KIAA0825: variants seen among roughly 807,000 people sequenced by gnomAD.
The protein encoded by KIAA0825 is uncharacterized protein KIAA0825.
A neutral mutation model predicts 147.6 loss-of-function variants in KIAA0825; 119 were observed. The observed-to-expected ratio is 0.81, with a 90% CI of 0.69 to 0.94. The LOEUF is 0.94. Ranked by LOEUF, KIAA0825 falls within the 40% of genes least tolerant of loss-of-function variation. The probability of loss-of-function intolerance (pLI) is 0.00; values close to 1 mark genes in which losing one functional copy is unlikely to be tolerated. For missense variants in KIAA0825, 1,381 were observed against 1,472.7 expected, an observed-to-expected ratio of 0.94 and a Z score of 1.02; for synonymous variants, 470 against 518.1, an observed-to-expected ratio of 0.91 and a Z score of 1.26.
At chr5:94,230,037 C>G (rs549774115) in intron 20 of KIAA0825, among the ~76,000 whole-genome samples, 11 of 152,236 alleles carry the variant, frequency 7.2e-5, no homozygotes, top group African/African-American at 2.6e-4. Context: ...CCCTAAAGAA[C>G]TCTTTGGAAG....
intron 20 of KIAA0825, among the ~76,000 whole-genome samples, chr5:94,276,449 C>T (rs1777225045): frequency 1.3e-5 from 2 of 152,028 alleles, no homozygotes; most frequent in African/African-American, 4.8e-5. Flanking sequence ...ATTAGCTATG[C>T]AAGACCATTC....
intron 20 of KIAA0825, among the ~76,000 whole-genome samples, chr5:94,251,218 G>A (rs545279064): frequency 6.6e-6 from 1 of 152,106 alleles, no homozygotes; most frequent in African/African-American, 2.4e-5. Context: ...GCAAACAGGG[G>A]AAAAAACTGC....
intron 4 of KIAA0825, among the ~76,000 whole-genome samples, chr5:94,521,965 A>G (rs2151221672): frequency 6.6e-6 from 1 of 151,866 alleles, no homozygotes; most frequent in South Asian, 2.1e-4. Flanking sequence ...AAATTCCAGG[A>G]ATTTTCTCTC....
intron 20 of KIAA0825, among the ~76,000 whole-genome samples, chr5:94,325,604 G>A (rs1780608140): frequency 6.6e-6 from 1 of 151,730 alleles, no homozygotes; most frequent in Non-Finnish European, 1.5e-5. Flanking sequence ...AATTCTAACA[G>A]CAAATCTCAA....
chr5:94,334,262 A>G (rs1007030946), intron 20 of KIAA0825, among the ~76,000 whole-genome samples: 2 of 152,266 alleles, frequency 1.3e-5, no homozygotes, highest in African/African-American at 4.8e-5. Context: ...CAGTGCAGTA[A>G]GACAAGTAGA....
chr5:94,537,204 C>G, intron 2 of KIAA0825, 77 bp from the exon 3 acceptor site: 1 of 1,198,320 alleles, frequency 8.3e-7, no homozygotes, highest in South Asian at 1.6e-5. Flanking sequence ...AGAAATTCAC[C>G]TCAAGTTGTG....
chr5:94,320,318 T>C (rs897094239), intron 20 of KIAA0825, among the ~76,000 whole-genome samples: 1 of 152,046 alleles, frequency 6.6e-6, no homozygotes, highest in Non-Finnish European at 1.5e-5. Flanking sequence ...GTATTTATCA[T>C]TGCTATGTGT....
chr5:94,429,287 G>T (rs1411653745), intron 14 of KIAA0825, among the ~76,000 whole-genome samples: 1 of 152,056 alleles, frequency 6.6e-6, no homozygotes, highest in Non-Finnish European at 1.5e-5. Flanking sequence ...CAAAATTCTT[G>T]TGCTGTTTCC....
In KIAA0825 at chr5:94,440,079, T is replaced by G; in HGVS notation, c.2400A>C (p.Lys800Asn). 6.4e-7 allele frequency: 1 copy of G among 1,551,512 alleles called. No homozygotes were observed. Among genetic ancestry groups the G allele is most frequent in the Middle Eastern group, 1.7e-4 (1 of 5,992 alleles). Residue 800 changes from lysine to asparagine, a missense_variant, in exon 14 of 21, where the codon AAA (lysine) becomes AAC (asparagine). Transcript: ENST00000682413. ...AGGLKAEGQL[K>N]LLLSQPRCNW... Reference sequence around the variant, plus strand: ...TACAACGTGGCTGGGATAAGAGCAGTTTCAACTGACCCTCGGCTTTCAGTC... The same window carrying G: ...TACAACGTGGCTGGGATAAGAGCAGGTTCAACTGACCCTCGGCTTTCAGTC...
At chr5:94,201,989 G>A (rs1164844355) in intron 20 of KIAA0825, among the ~76,000 whole-genome samples, 3 of 152,124 alleles carry the variant, frequency 2.0e-5, no homozygotes, top group African/African-American at 7.2e-5. Context: ...CGTCACTTGG[G>A]GGATGATGGG....
chr5:94,475,576 G>A (rs1286708018), intron 7 of KIAA0825, among the ~76,000 whole-genome samples: 1 of 152,210 alleles, frequency 6.6e-6, no homozygotes, highest in Non-Finnish European at 1.5e-5. Flanking sequence ...GGGAGGCCGA[G>A]GCAGGCGGAT....
chr5:94,221,807 C>G (rs1384171664), intron 20 of KIAA0825, among the ~76,000 whole-genome samples: 1 of 152,184 alleles, frequency 6.6e-6, no homozygotes, highest in Non-Finnish European at 1.5e-5. Flanking sequence ...CTGTCTTTAT[C>G]TCCTTCCCCA....
At chr5:94,444,115 C>T (rs1757441652) in intron 13 of KIAA0825, among the ~76,000 whole-genome samples, 1 of 152,074 alleles carries the variant, frequency 6.6e-6, no homozygotes, top group East Asian at 1.9e-4. Flanking sequence ...AGCAGCCCCT[C>T]CCACCAAAGA....
At chr5:94,598,852 CTTTA>C (rs1406872511) in intron 1 of KIAA0825, among the ~76,000 whole-genome samples, 2 of 152,188 alleles carry the variant, frequency 1.3e-5, no homozygotes, top group African/African-American at 2.4e-5. Context: ...GTATACCACA[CTTTA>C]TTTATCCATT....
At chr5:94,405,760 G>A (rs1233465537) in intron 15 of KIAA0825, among the ~76,000 whole-genome samples, 2 of 152,082 alleles carry the variant, frequency 1.3e-5, no homozygotes, top group African/African-American at 4.8e-5. Context: ...TAGTTAGCCA[G>A]TTCAAGCAGT....
At chr5:94,329,827 G>A (rs1781084280) in intron 20 of KIAA0825, among the ~76,000 whole-genome samples, 1 of 151,610 alleles carries the variant, frequency 6.6e-6, no homozygotes, top group Non-Finnish European at 1.5e-5. Context: ...AAATAAGCCA[G>A]CACACAAAGA....
chr5:94,582,867 C>G (rs1782471378), intron 1 of KIAA0825, among the ~76,000 whole-genome samples: 1 of 150,548 alleles, frequency 6.6e-6, no homozygotes, highest in Non-Finnish European at 1.5e-5. Context: ...AAAAATTGAT[C>G]ACTCCTAAAG....
At chr5:94,445,936 C>T (rs754600136) in intron 13 of KIAA0825, among the ~76,000 whole-genome samples, 1 of 152,140 alleles carries the variant, frequency 6.6e-6, no homozygotes, top group Non-Finnish European at 1.5e-5. Flanking sequence ...TGCTTGGCAC[C>T]TCATCAGAGC....
Position 94,473,417 on chromosome 5 carries a change from G to T in KIAA0825, c.1330C>A (p.Leu444Ile), listed in dbSNP as rs1195479918. 2 of 1,551,976 alleles carry T rather than the reference G, an allele frequency of 1.3e-6. No homozygotes were observed. The highest frequency in any genetic ancestry group is 2.4e-5 in the East Asian group (1 of 40,918). ...GACCTTTCATTCTGTTCCTGTTGGA[G>T]AATTTTTGTGGAAAAACCTTCAATT... ...TAIEGFSTKI[L>I]QQEQNERSSA... The change falls in exon 8 of 21, where the codon CTC becomes ATC. Residue 444 changes from leucine (L) to isoleucine (I), a missense_variant. By Grantham distance (5) the Leu-to-Ile change is conservative. Coordinates refer to ENST00000682413, the MANE Select transcript of KIAA0825 (RefSeq NM_001145678.3).
Sources: allele counts gnomAD v4.1 joint callset (sites outside exome capture counted in the v4.1 genomes callset), GRCh38; gene constraint gnomAD v4.1.1; transcripts MANE v1.5; gene names NCBI Gene and HGNC (gene_info 2026-07-23, HGNC 2026-07-21).